The following ANKRD27 variants were observed in gnomAD, a reference collection of about 807,000 sequenced individuals.
ANKRD27 encodes ankyrin repeat domain 27, also known as ankyrin repeat domain-containing protein 27.
Under a neutral mutation model 129.7 loss-of-function variants are expected in ANKRD27, and 112 were observed. The observed-to-expected ratio is 0.86, with a 90% CI of 0.74 to 1.01. The LOEUF is 1.01. Among genes scored for constraint, ANKRD27 ranks in the 50% least tolerant of loss-of-function variants. ANKRD27 has a pLI of 0.00. For synonymous variants in ANKRD27, 516 were observed against 511.2 expected (o/e 1.01, Z -0.13); for missense variants, 1,258 against 1,300.5 (o/e 0.97, Z 0.50).
intron 22 of ANKRD27, among the ~76,000 whole-genome samples, chr19:32,614,943 G>T (rs570242926): frequency 3.3e-5 from 5 of 152,310 alleles, no homozygotes; most frequent in African/African-American, 1.2e-4. Flanking sequence ...AGCTGGGAGA[G>T]GGTTTGGGGA....
chr19:32,649,974 T>C (rs1025878626), intron 2 of ANKRD27, among the ~76,000 whole-genome samples, 182 bp from the exon 3 acceptor site: 9 of 151,906 alleles, frequency 5.9e-5, no homozygotes, highest in Non-Finnish European at 7.4e-5. Flanking sequence ...GCTGCTGCTG[T>C]TGTTGTTGTT....
chr19:32,627,403 TTTATTTA>T (rs1410064379), intron 15 of ANKRD27, among the ~76,000 whole-genome samples: 1 of 33,986 alleles, frequency 2.9e-5, no homozygotes, highest in Admixed American at 2.3e-4. Flanking sequence ...TATTTATTTA[TTTATTTA>T]TTTTTTGAGA....
chr19:32,644,371 T>C lies in ANKRD27; in HGVS notation c.479A>G (p.His160Arg), dbSNP rs1378895330. 1.2e-6 allele frequency: 2 copies of C among 1,613,890 alleles called. No homozygotes were observed. The highest frequency in any genetic ancestry group is 8.5e-7 in the Non-Finnish European group (1 of 1,179,972). ...TCTCTCGCATTCTCGGAATGTTCGA[T>C]GGAAAGAGGCGATGTTCCTGTCAAA... ...ERFDRNIASF[H>R]RTFRECERKS... Residue 160 changes from histidine (H) to arginine (R), a missense_variant, in exon 5 of 29, where the codon CAT becomes CGT. Coordinates refer to ENST00000306065, the MANE Select transcript of ANKRD27 (RefSeq NM_032139.3).
chr19:32,598,116 G>A lies in ANKRD27; in HGVS notation c.*29C>T. The A allele has an allele frequency of 6.3e-7, 1 of 1,588,216 alleles. No individual in the cohort carries two copies. The highest frequency in any genetic ancestry group is 8.6e-7 in the Non-Finnish European group (1 of 1,156,850). On this transcript the variant is annotated 3_prime_UTR_variant, in exon 29 of 29. Coordinates refer to ENST00000306065, the MANE Select transcript of ANKRD27 (RefSeq NM_032139.3). ...CATCTTGTTGCATCCTTGCTTCCTA[G>A]CAGTGGGTTCAACAACTCCTCATTC...
intron 1 of ANKRD27, among the ~76,000 whole-genome samples, chr19:32,665,672 G>T (rs1389487127): frequency 6.6e-6 from 1 of 151,984 alleles, no homozygotes; most frequent in Non-Finnish European, 1.5e-5. Context: ...TGTTAGCCAG[G>T]ATGGTCTCGA....
At chr19:32,669,140 A>G (rs528063400) in intron 1 of ANKRD27, among the ~76,000 whole-genome samples, 1 of 152,298 alleles carries the variant, frequency 6.6e-6, no homozygotes, top group East Asian at 1.9e-4. Flanking sequence ...CAACAGAAGA[A>G]AAGTCCACAA....
In ANKRD27 at chr19:32,617,985, C is replaced by T. The variant is rs75972115; in HGVS notation, c.2008-352G>A. ...ATTGGTCAGGCTGGTCTCAAACTCC[C>T]GACCTCAGGTGATCCGCCCACCTCG... On this transcript the variant is annotated intron_variant, in intron 20 of 28. Coordinates refer to ENST00000306065, the MANE Select transcript of ANKRD27 (RefSeq NM_032139.3). 5.6e-3 allele frequency among the ~76,000 whole-genome samples: 844 copies of T among 151,886 alleles called. 31 individuals carry two copies. The East Asian group carries it at 0.1, about 18-fold the overall frequency.
At chr19:32,658,882 C>T in intron 2 of ANKRD27, 32 bp downstream of exon 2, 1 of 1,566,796 alleles carries the variant, frequency 6.4e-7, no homozygotes, top group Non-Finnish European at 8.8e-7. Flanking sequence ...CCATTCATGC[C>T]TCAGGACAAC....
chr19:32,623,325 T>C (rs1428951493), intron 17 of ANKRD27, among the ~76,000 whole-genome samples: 2 of 152,126 alleles, frequency 1.3e-5, no homozygotes, highest in Non-Finnish European at 2.9e-5. Flanking sequence ...TGGGCCTGAA[T>C]TGTTTTATAC....
At chr19:32,665,466 G>T (rs112981162) in intron 1 of ANKRD27, among the ~76,000 whole-genome samples, 81,691 of 147,072 alleles carry the variant, frequency 0.56, 23,671 homozygotes, top group Non-Finnish European at 0.67. Context: ...ATTTTTGTTT[G>T]TTTGTTTGTT....
At position 32,599,955 on chromosome 19, in the gene ANKRD27, T is replaced by C. The variant is rs1415193583; in HGVS notation, c.2846+17A>G. ...TAGGGGCAAAAGCACAGAAATCAACTTGAGTTTCATACTCACTTAAACTGA... is the reference window on the plus strand; with the variant it reads ...TAGGGGCAAAAGCACAGAAATCAACCTGAGTTTCATACTCACTTAAACTGA... On this transcript the variant is annotated intron_variant, in intron 27 of 28. Transcript: ENST00000306065. The C allele has an allele frequency of 1.3e-5, 21 of 1,603,954 alleles. No homozygotes were observed. Among genetic ancestry groups the C allele is most frequent in the African/African-American group, 9.4e-5 (7 of 74,742 alleles).
intron 22 of ANKRD27, among the ~76,000 whole-genome samples, chr19:32,614,339 T>C (rs1173310793): frequency 6.6e-6 from 1 of 152,204 alleles, no homozygotes; most frequent in African/African-American, 2.4e-5. Context: ...GGTTTCAATT[T>C]AATCAAAGAT....
At chr19:32,641,947 T>G in intron 10 of ANKRD27, 77 bp downstream of exon 10, 1 of 1,481,904 alleles carries the variant, frequency 6.7e-7, no homozygotes, top group Non-Finnish European at 9.0e-7. Flanking sequence ...AAAAATCCCT[T>G]AAGACAGCAT....
At chr19:32,606,208 A>G (rs1971733670) in intron 23 of ANKRD27, among the ~76,000 whole-genome samples, 1 of 140,602 alleles carries the variant, frequency 7.1e-6, no homozygotes, top group Non-Finnish European at 1.5e-5. Flanking sequence ...GCTGGAGTGC[A>G]GTGGCGTGAT....
chr19:32,647,398 C>T (rs1207632161), intron 3 of ANKRD27, among the ~76,000 whole-genome samples: 1 of 152,190 alleles, frequency 6.6e-6, no homozygotes, highest in Admixed American at 6.5e-5. Context: ...TTGATGTTAA[C>T]CATGGGGTAT....
intron 15 of ANKRD27, 80 bp downstream of exon 15, chr19:32,628,003 G>A (rs1041702865): frequency 1.5e-6 from 2 of 1,343,190 alleles, no homozygotes; most frequent in Non-Finnish European, 2.1e-6. Context: ...CAGCCCATCA[G>A]CCAGGCCTCT....
rs1967236829 is a variant in ANKRD27 at position 32,643,300 on chromosome 19, A to G, written c.692T>C (p.Met231Thr). 1.9e-6 allele frequency: 3 copies of G among 1,614,030 alleles called. No homozygotes were observed. Among genetic ancestry groups the G allele is most frequent in the East Asian group, 2.2e-5 (1 of 44,886 alleles). The change falls in exon 8 of 29, where the codon ATG becomes ACG. Residue 231 changes from methionine to threonine, a missense_variant. Physicochemically the swap from Met to Thr is moderately conservative, Grantham distance 81. Transcript: ENST00000306065. ...YNLIFKYVGT[M>T]EASEDAAFNK... The stretch of plus-strand genomic sequence containing the variant: ...CTGAGAACCTACCTCACTTGCCTCC[A>G]TGGTCCCCACGTATTTAAAGATCAG...
chr19:32,651,671 C>T (rs1362507707), intron 2 of ANKRD27, among the ~76,000 whole-genome samples: 5 of 152,012 alleles, frequency 3.3e-5, no homozygotes, highest in African/African-American at 9.7e-5. Context: ...CGCCTGGCCT[C>T]GAAGCAGGAA....
In ANKRD27 at chr19:32,662,280, C is replaced by G. The variant is rs1051797418; in HGVS notation, c.-30-3235G>C. Among the ~76,000 whole-genome samples the G allele has an allele frequency of 1.5e-4, 18 of 118,672 alleles. No homozygotes were observed. In the Admixed American group the frequency reaches 2.1e-3, roughly 14 times the overall value. The allele number at this position is 118,672 out of a possible 152,430, so 77.9% of individuals were successfully genotyped here. A position where few individuals can be genotyped will look rare whatever the true frequency, so the allele number is the denominator to read the frequency against. ...GACCCCAGATCCTGCCACTGCACTCCAGCTTGGGCAAAAGAGAAAGACTCA... is the reference window on the plus strand; with the variant it reads ...GACCCCAGATCCTGCCACTGCACTCGAGCTTGGGCAAAAGAGAAAGACTCA... On this transcript the variant is annotated intron_variant, in intron 1 of 28. Transcript: ENST00000306065.
Sources: gnomAD v4.1 joint callset for allele counts (sites outside exome capture counted in the v4.1 genomes callset) on GRCh38, gnomAD v4.1.1 for gene constraint, MANE v1.5 for transcripts, NCBI Gene and HGNC (gene_info 2026-07-23, HGNC 2026-07-21) for gene names.